UBR4: variants seen among roughly 807,000 people sequenced by gnomAD.
UBR4 encodes the protein E3 ubiquitin-protein ligase UBR4.
UBR4 carries 124 observed loss-of-function variants against 575.6 expected under a neutral mutation model. The ratio of observed to expected loss-of-function variants is 0.22; its 90% CI spans 0.19 to 0.25. UBR4 has a LOEUF of 0.25. Among genes scored for constraint, UBR4 ranks in the 10% least tolerant of loss-of-function variants. The probability of loss-of-function intolerance (pLI) is 1.00; values close to 1 mark genes in which losing one functional copy is unlikely to be tolerated. For synonymous variants in UBR4, 2,455 were observed against 2,473.7 expected (o/e 0.99, Z 0.22); for missense variants, 4,818 against 6,478.8 (o/e 0.74, Z 8.80).
At chr1:19,076,475 T>C (rs968207054) in intron 105 of UBR4, among the ~76,000 whole-genome samples, 1 of 152,212 alleles carries the variant, frequency 6.6e-6, no homozygotes, top group Non-Finnish European at 1.5e-5. Flanking sequence ...CTGCCTCATA[T>C]AGGGCTGCCT....
chr1:19,101,347 G>A (rs752959763), intron 88 of UBR4, among the ~76,000 whole-genome samples, 173 bp downstream of exon 88: 1 of 152,204 alleles, frequency 6.6e-6, no homozygotes. Flanking sequence ...TCGTTAGCAA[G>A]AGGAAAATTA....
chr1:19,104,293 G>C, intron 86 of UBR4, 36 bp from the exon 87 acceptor site: 1 of 1,609,094 alleles, frequency 6.2e-7, no homozygotes, highest in East Asian at 2.2e-5. Context: ...TGAGAGCTCT[G>C]GATGAAAACA....
intron 90 of UBR4, 64 bp from the exon 91 acceptor site, chr1:19,097,344 T>C: frequency 6.9e-7 from 1 of 1,455,840 alleles, no homozygotes; most frequent in Non-Finnish European, 9.4e-7. Context: ...AAGGACTCCA[T>C]ACTTGGTCTT....
At chr1:19,141,928 C>T (rs2083987455) in intron 55 of UBR4, 151 bp from the exon 56 acceptor site, 1 of 1,075,630 alleles carries the variant, frequency 9.3e-7, no homozygotes, top group South Asian at 1.6e-5. Flanking sequence ...TATGCCTGGC[C>T]TTGTTCTCTT....
chr1:19,201,450 T>A (rs776978072), intron 2 of UBR4, among the ~76,000 whole-genome samples: 5 of 152,112 alleles, frequency 3.3e-5, no homozygotes, highest in Admixed American at 6.5e-5. Context: ...ATAAAATGCT[T>A]TGGATTAAGA....
intron 2 of UBR4, among the ~76,000 whole-genome samples, chr1:19,201,481 A>T (rs2092738299): frequency 6.6e-6 from 1 of 152,198 alleles, no homozygotes; most frequent in Non-Finnish European, 1.5e-5. Flanking sequence ...GGTGGACTTA[A>T]TACTTATAAA....
chr1:19,148,656 C>T (rs1381021941), intron 49 of UBR4, 30 bp from the exon 50 acceptor site: 8 of 1,613,240 alleles, frequency 5.0e-6, no homozygotes, highest in Non-Finnish European at 6.8e-6. Flanking sequence ...GGCTTGAGTA[C>T]AACACCGTTC....
chr1:19,100,208 T>C lies in UBR4; in HGVS notation c.13221+168A>G, dbSNP rs2078487179. The stretch of plus-strand genomic sequence containing the variant: ...CTTTACAGGTTATTAACCTTAGCAC[T>C]AGGTGAGGTAGAAAGGTGGGAATCA... On this transcript the variant is annotated intron_variant, in intron 89 of 105. Transcript: ENST00000375254. The surrounding 1 kb of genome is among the most constrained non-coding windows in gnomAD (Gnocchi z 4.2). The C allele has an allele frequency of 4.4e-6, 3 of 674,538 alleles. No homozygotes were observed. Among genetic ancestry groups the C allele is most frequent in the Non-Finnish European group, 7.6e-6 (3 of 393,274 alleles). 41.8% of individuals were successfully genotyped at this position (674,538 alleles called of 1,614,324 possible).
At chr1:19,133,787 A>C (rs996007381) in intron 60 of UBR4, among the ~76,000 whole-genome samples, 1 of 151,940 alleles carries the variant, frequency 6.6e-6, no homozygotes, top group Non-Finnish European at 1.5e-5. Flanking sequence ...CTCAACAAAA[A>C]AAAAAACTAG....
intron 39 of UBR4, among the ~76,000 whole-genome samples, chr1:19,159,582 C>T (rs933323941): frequency 6.6e-6 from 1 of 151,284 alleles, no homozygotes; most frequent in South Asian, 2.1e-4. Context: ...CAAAATGACC[C>T]TGGATTCCCC....
At chr1:19,123,143 A>ATAAACTGT in intron 65 of UBR4, 83 bp from the exon 66 acceptor site, 1 of 1,440,016 alleles carries the variant, frequency 6.9e-7, no homozygotes, top group South Asian at 1.2e-5. Context: ...CTGGGTTTTA[A>ATAAACTGT]TAAACTGTTA....
In UBR4 at chr1:19,206,324, G is replaced by T. The variant is rs543319308; in HGVS notation, c.176+3749C>A. ...TGTACTCCAGCCCAGCCAACAGAAG[G>T]AGACCCTGTCTCTCTTTTTTTTTTT... On this transcript the variant is annotated intron_variant, in intron 1 of 105. Coordinates refer to ENST00000375254, the MANE Select transcript of UBR4 (RefSeq NM_020765.3). 2.6e-5 allele frequency among the ~76,000 whole-genome samples: 4 copies of T among 151,836 alleles called. No homozygotes were observed. The South Asian group carries it at 6.3e-4, about 24-fold the overall frequency.
intron 25 of UBR4, among the ~76,000 whole-genome samples, chr1:19,171,224 A>C (rs1037687326): frequency 7.9e-5 from 12 of 152,206 alleles, no homozygotes; most frequent in Non-Finnish European, 8.8e-5. Flanking sequence ...AAAACAAAAA[A>C]AACTGTTTAT....
At chr1:19,156,519 T>C (rs1238271000) in intron 41 of UBR4, 96 bp from the exon 42 acceptor site, 4 of 1,447,886 alleles carry the variant, frequency 2.8e-6, no homozygotes, top group Non-Finnish European at 3.7e-6. Flanking sequence ...TCCTCTAATA[T>C]CCCCTGCCTT....
At position 19,139,062 on chromosome 1, in the gene UBR4, A is replaced by G. The variant is rs750304970; in HGVS notation, c.8731+21T>C. On this transcript the variant is annotated intron_variant, in intron 59 of 105. Transcript: ENST00000375254. This position sits in a 1 kb window ranked among gnomAD's most constrained non-coding sequence, Gnocchi z 4.2. ...CCCACCCTCTGCCCAAGGAGACAGG[A>G]CCCCCGCCATGGCACATTACCACTG... 6.3e-7 allele frequency: 1 copy of G among 1,593,796 alleles called. No homozygotes were observed.
intron 18 of UBR4, among the ~76,000 whole-genome samples, chr1:19,178,149 T>G (rs2090479332): frequency 6.6e-6 from 1 of 152,210 alleles, no homozygotes; most frequent in African/African-American, 2.4e-5. Context: ...TCCCCATATT[T>G]TGATTCTATC....
chr1:19,166,181 G>C (rs2088340152), intron 29 of UBR4, among the ~76,000 whole-genome samples: 1 of 152,200 alleles, frequency 6.6e-6, no homozygotes, highest in Admixed American at 6.5e-5. Context: ...CGAAGAGACA[G>C]GAAATTCCAA....
chr1:19,154,683 T>C (rs1405841682), intron 44 of UBR4, among the ~76,000 whole-genome samples: 1 of 152,210 alleles, frequency 6.6e-6, no homozygotes, highest in Non-Finnish European at 1.5e-5. Context: ...AGTGGACCCC[T>C]AAACTACCTC....
Position 19,128,189 on chromosome 1 carries a change from C to T in UBR4, c.9111+22G>A, listed in dbSNP as rs760485520. The T allele has an allele frequency of 1.4e-5, 23 of 1,601,818 alleles. No individual in the cohort carries two copies. In the Admixed American group the frequency reaches 2.5e-4, roughly 17 times the overall value. On this transcript the variant is annotated intron_variant, in intron 62 of 105. Coordinates refer to ENST00000375254, the MANE Select transcript of UBR4 (RefSeq NM_020765.3). ...ATCTCAGCCAATCCTGTTTCTCACACAGTCTGCCTCTCAGATTTTACCTTT... is the reference window on the plus strand; with the variant it reads ...ATCTCAGCCAATCCTGTTTCTCACATAGTCTGCCTCTCAGATTTTACCTTT...
Sources: allele counts gnomAD v4.1 joint callset (sites outside exome capture counted in the v4.1 genomes callset), GRCh38; gene constraint gnomAD v4.1.1; non-coding constraint Gnocchi (gnomAD v3.1); transcripts MANE v1.5; gene names NCBI Gene and HGNC (gene_info 2026-07-23, HGNC 2026-07-21).